BNIP2: variants seen among roughly 807,000 people sequenced by gnomAD.
The protein encoded by BNIP2 is BCL2/adenovirus E1B 19 kDa protein-interacting protein 2.
In BNIP2, 36 loss-of-function variants were observed where a neutral mutation model predicts 43.4. The observed-to-expected ratio is 0.83, with a 90% CI of 0.64 to 1.10. The LOEUF is 1.10. Ranked by LOEUF, BNIP2 falls within the 50% of genes least tolerant of loss-of-function variation. BNIP2 has a pLI of 0.00. For missense variants in BNIP2, 417 were observed against 374.1 expected (o/e 1.11, Z -0.95); for synonymous variants, 146 against 121.0 (o/e 1.21, Z -1.35).
Position 59,677,965 on chromosome 15 carries a change from G to A in BNIP2, c.418C>T (p.His140Tyr), listed in dbSNP as rs145812804. The A allele has an allele frequency of 3.5e-5, 56 of 1,613,680 alleles. No individual in the cohort carries two copies. Among genetic ancestry groups the A allele is most frequent in the Non-Finnish European group, 4.7e-5 (56 of 1,179,824 alleles). ...TCAATTGCCTTCATATCAACCCTGT[G>A]GTCCTGTTCTCCAATCCTGAACATA... is the stretch of plus-strand genomic sequence containing the variant. ...WRMFRIGEQD[H>Y]RVDMKAIEPY... Residue 140 changes from histidine to tyrosine, a missense_variant, in exon 5 of 10, where the codon CAC becomes TAC. His to Tyr is a moderately conservative substitution (Grantham distance 83, BLOSUM62 2). Transcript: ENST00000607373.
Position 59,680,267 on chromosome 15 carries a change from G to A in BNIP2, c.92C>T (p.Ala31Val). ...AGGCTGGTCCTCTGGTCCAGTTATA[G>A]CTAGTATATCTGCTTCAATACTATC... ...EDDSIEADIL[A>V]ITGPEDQPGS... The change falls in exon 3 of 10, where the codon GCT becomes GTT. Residue 31 changes from alanine (A) to valine (V), a missense_variant. By Grantham distance (64) the Ala-to-Val change is moderately conservative (BLOSUM62 0). Coordinates refer to ENST00000607373, the MANE Select transcript of BNIP2 (RefSeq NM_004330.4). The A allele has an allele frequency of 6.2e-7, 1 of 1,601,760 alleles. No individual in the cohort carries two copies. Among genetic ancestry groups the A allele is most frequent in the Non-Finnish European group, 8.5e-7 (1 of 1,173,122 alleles).
intron 5 of BNIP2, among the ~76,000 whole-genome samples, chr15:59,674,722 C>G (rs1287562674): frequency 6.6e-6 from 1 of 152,178 alleles, no homozygotes; most frequent in Admixed American, 6.5e-5. Flanking sequence ...GGTAGTATGA[C>G]ATGCTCTACA....
At position 59,661,471 on chromosome 15, in the gene BNIP2, G is replaced by A. The variant is rs938010401; in HGVS notation, c.*2598C>T. On this transcript the variant is annotated 3_prime_UTR_variant, in exon 10 of 10. Coordinates refer to ENST00000607373, the MANE Select transcript of BNIP2 (RefSeq NM_004330.4). ...CAATGCCTCTGCTAGACCCTACTTA[G>A]AATCATATTTCTTCATATCTCCCTC... The A allele has an allele frequency of 2.0e-5, 3 of 151,982 alleles. No homozygotes were observed. Among genetic ancestry groups the A allele is most frequent in the Non-Finnish European group, 4.4e-5 (3 of 68,034 alleles). 9.4% of individuals were successfully genotyped at this position (151,982 alleles called of 1,614,324 possible).
chr15:59,688,730 A>C, intron 1 of BNIP2: 1 of 1,535,668 alleles, frequency 6.5e-7, no homozygotes. Flanking sequence ...TACGAGGCAT[A>C]CCAGAAGTCC....
intron 9 of BNIP2, among the ~76,000 whole-genome samples, chr15:59,666,443 G>C (rs1023950002): frequency 6.6e-6 from 1 of 152,098 alleles, no homozygotes. Flanking sequence ...GAGGTGGGTG[G>C]ATCACTTGAG....
chr15:59,680,780 A>G (rs1893617381), intron 2 of BNIP2, among the ~76,000 whole-genome samples: 1 of 152,064 alleles, frequency 6.6e-6, no homozygotes, highest in Admixed American at 6.5e-5. Context: ...GCTAATTTTA[A>G]AAGTTTTTTT....
intron 7 of BNIP2, among the ~76,000 whole-genome samples, chr15:59,669,663 T>C (rs1339999673): frequency 1.3e-5 from 2 of 152,136 alleles, no homozygotes; most frequent in East Asian, 1.9e-4. Context: ...AAGAGGCCAA[T>C]ACTGAATGTA....
At chr15:59,680,177 A>G (rs1893572042) in intron 3 of BNIP2, 64 bp downstream of exon 3, 2 of 1,247,704 alleles carry the variant, frequency 1.6e-6, no homozygotes, top group Non-Finnish European at 2.2e-6. Flanking sequence ...TTGGACAAAG[A>G]AACGTGTTTT....
intron 5 of BNIP2, among the ~76,000 whole-genome samples, chr15:59,673,434 T>TC (rs1190523808): frequency 6.6e-6 from 1 of 151,656 alleles, no homozygotes; most frequent in East Asian, 2.0e-4. Context: ...TTTTTTAAAT[T>TC]TTTTTTTAGA....
At position 59,659,848 on chromosome 15, in the gene BNIP2, A is replaced by G. The variant is rs984085958; in HGVS notation, c.*4221T>C. The G allele has an allele frequency of 1.2e-4, 18 of 152,208 alleles. No individual in the cohort carries two copies. The highest frequency in any genetic ancestry group is 2.6e-4 in the Admixed American group (4 of 15,286). 9.4% of individuals were successfully genotyped at this position (152,208 alleles called of 1,614,324 possible). On this transcript the variant is annotated 3_prime_UTR_variant, in exon 10 of 10. Transcript: ENST00000607373. ...CATTTTACTTAGTTCTCAAAACATA[A>G]ATAGGTCTATTATAAATAGTTGCAA...
At chr15:59,670,249 G>A (rs1269453415) in intron 7 of BNIP2, among the ~76,000 whole-genome samples, 1 of 152,160 alleles carries the variant, frequency 6.6e-6, no homozygotes, top group Non-Finnish European at 1.5e-5. Context: ...TGGGCAACAT[G>A]TCAAAACGCT....
At chr15:59,681,530 C>A (rs6151491) in intron 2 of BNIP2, among the ~76,000 whole-genome samples, 39,894 of 151,044 alleles carry the variant, frequency 0.26, 5,548 homozygotes, top group East Asian at 0.54. Flanking sequence ...CTCACGGCAA[C>A]CCCTGCCTCC....
chr15:59,659,644 GATGA>G lies in BNIP2; in HGVS notation c.*4421_*4424del, dbSNP rs1211277668. The G allele has an allele frequency of 6.6e-6, 1 of 152,186 alleles. No individual in the cohort carries two copies. The highest frequency in any genetic ancestry group is 1.5e-5 in the Non-Finnish European group (1 of 68,010). 9.4% of individuals were successfully genotyped at this position (152,186 alleles called of 1,614,324 possible). A position where few individuals can be genotyped will look rare whatever the true frequency, so the allele number is the denominator to read the frequency against. ...ATACAAAAAGTGCAGTGTAGAAGCTGATGAATGTTATTTTCCAAGTTCCTCCTTA... is the reference window on the plus strand; with the variant it reads ...ATACAAAAAGTGCAGTGTAGAAGCTGATGTTATTTTCCAAGTTCCTCCTTA... On this transcript the variant is annotated 3_prime_UTR_variant, in exon 10 of 10. Coordinates refer to ENST00000607373, the MANE Select transcript of BNIP2 (RefSeq NM_004330.4).
intron 2 of BNIP2, 74 bp from the exon 3 acceptor site, chr15:59,680,382 A>T: frequency 3.7e-6 from 4 of 1,083,692 alleles, no homozygotes; most frequent in Non-Finnish European, 4.0e-6. Context: ...TCTATTAAAC[A>T]TACAGCTTAT....
chr15:59,678,429 A>G (rs1595701315), intron 4 of BNIP2: 2 of 1,075,140 alleles, frequency 1.9e-6, no homozygotes, highest in African/African-American at 3.4e-5. Context: ...TTGTGACAAT[A>G]TTCTCCCTGG....
At chr15:59,667,603 G>A (rs1350235523) in intron 9 of BNIP2, among the ~76,000 whole-genome samples, 1 of 152,174 alleles carries the variant, frequency 6.6e-6, no homozygotes, top group Non-Finnish European at 1.5e-5. Flanking sequence ...GAATTTGACT[G>A]GTTAGCAAGC....
In BNIP2 at chr15:59,688,738, T is replaced by G. The variant is rs920457335; in HGVS notation, c.-58+397A>C. On this transcript the variant is annotated intron_variant, in intron 1 of 9. Coordinates refer to ENST00000607373, the MANE Select transcript of BNIP2 (RefSeq NM_004330.4). ...CCGCGGTTACGAGGCATACCAGAAG[T>G]CCAAGTTTCTTTGTTCTGTACCAGG... is the stretch of plus-strand genomic sequence containing the variant. 30 of 1,535,628 alleles carry G rather than the reference T, an allele frequency of 2.0e-5. No individual in the cohort carries two copies. In the Admixed American group the frequency reaches 3.7e-4, roughly 19 times the overall value.
intron 5 of BNIP2, among the ~76,000 whole-genome samples, chr15:59,675,108 G>C (rs1212547002): frequency 2.0e-5 from 3 of 151,922 alleles, no homozygotes; most frequent in African/African-American, 7.3e-5. Context: ...AATTAGCCAG[G>C]CGTGGTGGCG....
chr15:59,688,891 G>A (rs1422245045), intron 1 of BNIP2: 5 of 1,477,150 alleles, frequency 3.4e-6, no homozygotes, highest in Non-Finnish European at 3.6e-6. Flanking sequence ...ACGGAAAAGC[G>A]ACGGGGTGGG....
Sources: gnomAD v4.1 joint callset for allele counts (sites outside exome capture counted in the v4.1 genomes callset) on GRCh38, gnomAD v4.1.1 for gene constraint, MANE v1.5 for transcripts, NCBI Gene and HGNC (gene_info 2026-07-23, HGNC 2026-07-21) for gene names.